The following TMEM132D variants were observed in gnomAD, a reference collection of about 807,000 sequenced individuals.
TMEM132D encodes the protein mature OL transmembrane protein.
In TMEM132D, 21 loss-of-function variants were observed where a neutral mutation model predicts 62.3. The ratio of observed to expected loss-of-function variants is 0.34; its 90% CI spans 0.24 to 0.49. The LOEUF is 0.49. TMEM132D is among the 20% of genes least tolerant of loss of function. The pLI is 0.99. For synonymous variants in TMEM132D, 621 were observed against 575.6 expected (o/e 1.08, Z -1.13); for missense variants, 1,346 against 1,402.8 (o/e 0.96, Z 0.65).
chr12:129,771,959 C>T (rs1870768073), intron 1 of TMEM132D, among the ~76,000 whole-genome samples: 3 of 152,120 alleles, frequency 2.0e-5, no homozygotes, highest in South Asian at 4.1e-4. Flanking sequence ...CTTAAATAAC[C>T]TAAGTTATAT....
intron 1 of TMEM132D, among the ~76,000 whole-genome samples, chr12:129,764,659 G>A (rs2137277879): frequency 6.6e-6 from 1 of 152,260 alleles, no homozygotes; most frequent in East Asian, 1.9e-4. Flanking sequence ...AACCAACCCT[G>A]CCTGGGCACA....
rs1874127039 is a variant in TMEM132D, at chr12:129,073,151, G to A, written c.*724C>T. ...GAACCTGATTCAAATTCTATGCCCAGTATCCTTAGTTTACAAATAAAGAAG... is the reference window on the plus strand; with the variant it reads ...GAACCTGATTCAAATTCTATGCCCAATATCCTTAGTTTACAAATAAAGAAG... On this transcript the variant is annotated 3_prime_UTR_variant, in exon 9 of 9. Transcript: ENST00000422113. 1 of 152,206 alleles carries A rather than the reference G, an allele frequency of 6.6e-6. No homozygotes were observed. The highest frequency in any genetic ancestry group is 2.1e-4 in the South Asian group (1 of 4,830). 9.4% of individuals were successfully genotyped at this position (152,206 alleles called of 1,614,324 possible).
At chr12:129,306,790 G>A (rs1305479815) in intron 4 of TMEM132D, among the ~76,000 whole-genome samples, 1 of 152,134 alleles carries the variant, frequency 6.6e-6, no homozygotes, top group Non-Finnish European at 1.5e-5. Flanking sequence ...TTTAGGAAAT[G>A]CTGACTTAGG....
chr12:129,693,830 T>C (rs767509856), intron 2 of TMEM132D, among the ~76,000 whole-genome samples: 5 of 152,116 alleles, frequency 3.3e-5, no homozygotes, highest in Non-Finnish European at 7.4e-5. Flanking sequence ...TAATGAGACA[T>C]GCGATGTATG....
intron 3 of TMEM132D, among the ~76,000 whole-genome samples, chr12:129,426,870 G>A (rs34612861): frequency 0.17 from 25,966 of 152,170 alleles, 2,883 homozygotes; most frequent in Non-Finnish European, 0.25. Context: ...CATGCAGCAC[G>A]CCTTCAAAGC....
chr12:129,563,534 C>A (rs146375195), intron 2 of TMEM132D, among the ~76,000 whole-genome samples: 31 of 152,242 alleles, frequency 2.0e-4, no homozygotes, highest in African/African-American at 7.5e-4. Context: ...GGTCAACCTA[C>A]GAGGGAGGTG....
chr12:129,389,356 C>T (rs1316901316), intron 3 of TMEM132D, among the ~76,000 whole-genome samples: 1 of 152,078 alleles, frequency 6.6e-6, no homozygotes, highest in African/African-American at 2.4e-5. Context: ...CTAACACTAA[C>T]ACCAGAACTA....
chr12:129,438,445 A>G (rs1325099035), intron 3 of TMEM132D, among the ~76,000 whole-genome samples: 1 of 152,254 alleles, frequency 6.6e-6, no homozygotes, highest in Admixed American at 6.5e-5. Flanking sequence ...CAACAACAAA[A>G]TGAAAATACT....
intron 3 of TMEM132D, among the ~76,000 whole-genome samples, chr12:129,429,157 C>G (rs1341004381): frequency 6.7e-6 from 1 of 149,400 alleles, no homozygotes; most frequent in East Asian, 2.0e-4. Flanking sequence ...CACTGTAGTC[C>G]AAAGTCCTTC....
At chr12:129,347,233 A>G (rs543297643) in intron 3 of TMEM132D, among the ~76,000 whole-genome samples, 2 of 152,332 alleles carry the variant, frequency 1.3e-5, no homozygotes, top group South Asian at 4.1e-4. Flanking sequence ...GGAACCAAAA[A>G]AGAGCCTCTA....
chr12:129,472,529 C>T (rs1323090353), intron 3 of TMEM132D, among the ~76,000 whole-genome samples: 1 of 152,096 alleles, frequency 6.6e-6, no homozygotes, highest in Non-Finnish European at 1.5e-5. Context: ...CAGCAAACCA[C>T]TATGGCAGGT....
intron 2 of TMEM132D, among the ~76,000 whole-genome samples, chr12:129,569,021 G>A (rs1877443645): frequency 6.6e-6 from 1 of 152,164 alleles, no homozygotes. Context: ...AGGAGAATTT[G>A]TACATCTAAC....
intron 2 of TMEM132D, among the ~76,000 whole-genome samples, chr12:129,632,250 C>T (rs1165824728): frequency 1.3e-5 from 2 of 152,094 alleles, no homozygotes; most frequent in African/African-American, 4.8e-5. Flanking sequence ...CGGTAAAAAT[C>T]CTGCCCTCGG....
At chr12:129,250,925 G>A (rs11060216) in intron 4 of TMEM132D, among the ~76,000 whole-genome samples, 59,367 of 152,026 alleles carry the variant, frequency 0.39, 12,013 homozygotes, top group Non-Finnish European at 0.45. Flanking sequence ...CAGCAGGTGC[G>A]TACGGTGGTA....
At position 129,223,241 on chromosome 12, in the gene TMEM132D, TTCCTC is replaced by T. The variant is rs1879393623; in HGVS notation, c.1300-13583_1300-13579del. ...TAGCCCCGGAAGTAGCAAGCATCACTTCCTCTAGAATGCAGTGGAAGTGATGGTTG... is the reference window on the plus strand; with the variant it reads ...TAGCCCCGGAAGTAGCAAGCATCACTTAGAATGCAGTGGAAGTGATGGTTG... On this transcript the variant is annotated intron_variant, in intron 4 of 8. Coordinates refer to ENST00000422113, the MANE Select transcript of TMEM132D (RefSeq NM_133448.3). 3.3e-5 allele frequency among the ~76,000 whole-genome samples: 5 copies of T among 151,914 alleles called. No individual in the cohort carries two copies. The South Asian group carries it at 1.0e-3, about 32-fold the overall frequency.
chr12:129,426,078 A>T (rs1872487949), intron 3 of TMEM132D, among the ~76,000 whole-genome samples: 1 of 152,220 alleles, frequency 6.6e-6, no homozygotes, highest in Admixed American at 6.5e-5. Flanking sequence ...TATTTGTATT[A>T]GATGGAGATT....
intron 3 of TMEM132D, among the ~76,000 whole-genome samples, chr12:129,405,725 T>C (rs940915332): frequency 2.0e-5 from 3 of 152,192 alleles, no homozygotes; most frequent in African/African-American, 7.2e-5. Context: ...GATTTCTTTC[T>C]GGTGCCCTTA....
intron 1 of TMEM132D, among the ~76,000 whole-genome samples, chr12:129,741,246 C>T (rs1253611180): frequency 1.3e-5 from 2 of 152,214 alleles, no homozygotes; most frequent in African/African-American, 4.8e-5. Context: ...CCTTCAGCCT[C>T]AATTTTCCAG....
chr12:129,305,333 T>G (rs1881821984), intron 4 of TMEM132D, among the ~76,000 whole-genome samples: 1 of 152,220 alleles, frequency 6.6e-6, no homozygotes. Flanking sequence ...CTCTCCTGTA[T>G]ACACATCTGA....
Sources: gnomAD v4.1 joint callset for allele counts (sites outside exome capture counted in the v4.1 genomes callset) on GRCh38, gnomAD v4.1.1 for gene constraint, MANE v1.5 for transcripts, NCBI Gene and HGNC (gene_info 2026-07-23, HGNC 2026-07-21) for gene names.